Variants in PHACTR1 observed in about 807,000 individuals in gnomAD.
PHACTR1 encodes RPEL repeat containing 1.
A neutral mutation model predicts 69.2 loss-of-function variants in PHACTR1; 16 were observed. The observed-to-expected ratio is 0.23, with a 90% CI of 0.16 to 0.35. The LOEUF (loss-of-function observed/expected upper bound fraction) is 0.35. Ranked by LOEUF, PHACTR1 falls within the 10% of genes least tolerant of loss-of-function variation. The pLI is 1.00. For synonymous variants in PHACTR1, 312 were observed against 284.5 expected, an observed-to-expected ratio of 1.10 and a Z score of -0.97; for missense variants, 510 against 734.7, an observed-to-expected ratio of 0.69 and a Z score of 3.54.
At chr6:13,079,838 C>T (rs1811095220) in intron 5 of PHACTR1, among the ~76,000 whole-genome samples, 1 of 152,158 alleles carries the variant, frequency 6.6e-6, no homozygotes. Flanking sequence ...TGACCTTGAA[C>T]AAGTGAGTTC....
chr6:13,091,266 T>C (rs530064423), intron 5 of PHACTR1, among the ~76,000 whole-genome samples: 4 of 152,288 alleles, frequency 2.6e-5, no homozygotes, highest in African/African-American at 7.2e-5. Flanking sequence ...CCCAAAGTGT[T>C]GGGATTACAG....
intron 3 of PHACTR1, among the ~76,000 whole-genome samples, chr6:12,736,693 A>T (rs1764297393): frequency 6.6e-6 from 1 of 152,172 alleles, no homozygotes; most frequent in Non-Finnish European, 1.5e-5. Context: ...GTTTTTTTAC[A>T]ATCACTTTTT....
chr6:13,237,338 C>T (rs1386650429), intron 10 of PHACTR1, among the ~76,000 whole-genome samples: 1 of 152,128 alleles, frequency 6.6e-6, no homozygotes, highest in Non-Finnish European at 1.5e-5. Context: ...AATTGTGCCA[C>T]TGCACTCCAG....
chr6:13,208,787 T>A (rs1766333525), intron 8 of PHACTR1, among the ~76,000 whole-genome samples: 1 of 152,214 alleles, frequency 6.6e-6, no homozygotes, highest in African/African-American at 2.4e-5. Flanking sequence ...CAATTAAAGA[T>A]GCTAACTGAC....
Position 13,134,209 on chromosome 6 carries a change from G to A in PHACTR1, c.416-25995G>A, listed in dbSNP as rs1821125968. 2.0e-5 allele frequency among the ~76,000 whole-genome samples: 3 copies of A among 149,040 alleles called. No homozygotes were observed. In the South Asian group the frequency reaches 6.5e-4, roughly 32 times the overall value. ...CCACCCCGTCCCGGAGGGAGGTAGG[G>A]GGCAGCCCCCGCCCCGCCAGCCGCC... On this transcript the variant is annotated intron_variant, in intron 5 of 14. Coordinates refer to ENST00000332995, the MANE Select transcript of PHACTR1 (RefSeq NM_030948.6).
intron 4 of PHACTR1, among the ~76,000 whole-genome samples, chr6:12,855,705 T>C (rs1479276873): frequency 6.6e-6 from 1 of 152,140 alleles, no homozygotes; most frequent in East Asian, 1.9e-4. Flanking sequence ...ATGTTCACTA[T>C]CTGGGCAATG....
intron 3 of PHACTR1, among the ~76,000 whole-genome samples, chr6:12,725,028 A>G (rs1356383557): frequency 3.9e-5 from 6 of 152,146 alleles, no homozygotes; most frequent in African/African-American, 1.4e-4. Flanking sequence ...TCTGTCATCT[A>G]CATTGTCTTG....
chr6:13,134,922 G>C (rs1181234731), intron 5 of PHACTR1, among the ~76,000 whole-genome samples: 2 of 151,622 alleles, frequency 1.3e-5, no homozygotes, highest in Non-Finnish European at 2.9e-5. Flanking sequence ...AGTACACACA[G>C]AGCCAGAGCG....
rs372180222 is a variant in PHACTR1, at chr6:12,887,403, GTTC to G, written c.250+137617_250+137619del. ...CATGGAATGCAGCTCACATGCCCCTGTTCTTCATTTCCCCAAATCTTACTTGCG... is the reference window on the plus strand; with the variant it reads ...CATGGAATGCAGCTCACATGCCCCTGTTCATTTCCCCAAATCTTACTTGCG... On this transcript the variant is annotated intron_variant, in intron 4 of 14. Coordinates refer to ENST00000332995, the MANE Select transcript of PHACTR1 (RefSeq NM_030948.6). 2.4e-3 allele frequency among the ~76,000 whole-genome samples: 367 copies of G among 152,326 alleles called. 4 individuals are homozygous for G. Among genetic ancestry groups the G allele is most frequent in the African/African-American group, 8.2e-3 (342 of 41,578 alleles).
intron 5 of PHACTR1, among the ~76,000 whole-genome samples, chr6:13,139,036 AT>A (rs553090625): frequency 2.0e-5 from 3 of 150,354 alleles, no homozygotes; most frequent in East Asian, 2.0e-4. Context: ...CCATGAAATA[AT>A]TTTTTTTTAC....
intron 10 of PHACTR1, among the ~76,000 whole-genome samples, chr6:13,231,064 G>GGA: frequency 2.3e-3 from 3 of 1,300 alleles, no homozygotes; most frequent in African/African-American, 5.0e-3. Context: ...AGGAAGGAAG[G>GGA]AAGGAAGGAA....
At chr6:12,901,799 G>A (rs1785225711) in intron 4 of PHACTR1, among the ~76,000 whole-genome samples, 1 of 152,044 alleles carries the variant, frequency 6.6e-6, no homozygotes, top group South Asian at 2.1e-4. Flanking sequence ...CCTGGCCCAA[G>A]CGTTTTTATA....
At chr6:13,099,843 C>T (rs1412009070) in intron 5 of PHACTR1, among the ~76,000 whole-genome samples, 1 of 152,190 alleles carries the variant, frequency 6.6e-6, no homozygotes, top group Non-Finnish European at 1.5e-5. Context: ...ACAAGACACA[C>T]ATTTAAAAAT....
intron 3 of PHACTR1, among the ~76,000 whole-genome samples, chr6:12,736,576 C>G (rs1030614814): frequency 2.0e-5 from 3 of 152,020 alleles, no homozygotes; most frequent in Admixed American, 1.3e-4. Flanking sequence ...TTGTCCACAG[C>G]CTGTGGGACT....
At chr6:13,077,508 G>A (rs532662224) in intron 5 of PHACTR1, among the ~76,000 whole-genome samples, 2 of 152,268 alleles carry the variant, frequency 1.3e-5, no homozygotes, top group South Asian at 4.1e-4. Flanking sequence ...AGTGTGTTTT[G>A]GAAGTTTGAT....
In PHACTR1 at chr6:13,168,639, C is replaced by T. The variant is rs1431652768; in HGVS notation, c.496+8355C>T. Among the ~76,000 whole-genome samples, 8 of 152,204 alleles carry T rather than the reference C, an allele frequency of 5.3e-5. No homozygotes were observed. In the South Asian group the frequency reaches 6.2e-4, roughly 12 times the overall value. The stretch of plus-strand genomic sequence containing the variant: ...TTCAGGTGCATGTGGAAGCATCACC[C>T]GCCGAGGCCTGGGGACTTAGGGAAG... On this transcript the variant is annotated intron_variant, in intron 6 of 14. Coordinates refer to ENST00000332995, the MANE Select transcript of PHACTR1 (RefSeq NM_030948.6).
chr6:13,207,041 A>C (rs1766035432), intron 8 of PHACTR1, among the ~76,000 whole-genome samples: 1 of 152,182 alleles, frequency 6.6e-6, no homozygotes, highest in African/African-American at 2.4e-5. Flanking sequence ...GTACGCACAT[A>C]CACATGTACA....
At position 13,275,578 on chromosome 6, in the gene PHACTR1, TGAG is replaced by T. The variant is rs1257603384; in HGVS notation, c.1447+2670_1447+2672del. On this transcript the variant is annotated intron_variant, in intron 11 of 14. Coordinates refer to ENST00000332995, the MANE Select transcript of PHACTR1 (RefSeq NM_030948.6). The surrounding 1 kb of genome is among the most constrained non-coding windows in gnomAD (Gnocchi z 4.0). ...AGGATCAGAAGTCTGAGGCTAGTAA[TGAG>T]GAGGAGAGCCGGCCCCACACAAAAC... 2.0e-5 allele frequency: 3 copies of T among 151,726 alleles called. No homozygotes were observed. The highest frequency in any genetic ancestry group is 4.4e-5 in the Non-Finnish European group (3 of 68,034). 9.4% of individuals were successfully genotyped at this position (151,726 alleles called of 1,614,324 possible).
At chr6:13,286,948 G>A in intron 14 of PHACTR1, 115 bp from the exon 15 acceptor site, 2 of 1,120,634 alleles carry the variant, frequency 1.8e-6, no homozygotes, top group Non-Finnish European at 2.6e-6. Context: ...ATGACGGTGG[G>A]AAGCTCGCAC....
Sources: gnomAD v4.1 joint callset for allele counts (sites outside exome capture counted in the v4.1 genomes callset) on GRCh38, gnomAD v4.1.1 for gene constraint, Gnocchi (gnomAD v3.1) non-coding constraint, MANE v1.5 for transcripts, NCBI Gene and HGNC (gene_info 2026-07-23, HGNC 2026-07-21) for gene names.